ARNT2: variants seen among roughly 807,000 people sequenced by gnomAD.
The protein encoded by ARNT2 is aryl hydrocarbon receptor nuclear translocator 2.
In ARNT2, 36 loss-of-function variants were observed where a neutral mutation model predicts 91.7. The ratio of observed to expected loss-of-function variants is 0.39; its 90% CI spans 0.30 to 0.52. The LOEUF (loss-of-function observed/expected upper bound fraction) is 0.52. Among genes scored for constraint, ARNT2 ranks in the 20% least tolerant of loss-of-function variants. ARNT2 has a pLI of 0.72. For synonymous variants in ARNT2, 365 were observed against 347.1 expected (o/e 1.05, Z -0.57); for missense variants, 775 against 939.3 (o/e 0.83, Z 2.29).
At chr15:80,561,177 T>C (rs891277484) in intron 11 of ARNT2, among the ~76,000 whole-genome samples, 16 of 151,966 alleles carry the variant, frequency 1.1e-4, no homozygotes, top group African/African-American at 3.9e-4. Context: ...AGACCACAAG[T>C]GTGGCGGGTG....
chr15:80,497,099 C>T (rs1441303601), intron 5 of ARNT2, among the ~76,000 whole-genome samples: 1 of 152,202 alleles, frequency 6.6e-6, no homozygotes, highest in African/African-American at 2.4e-5. Context: ...GGGCAATATA[C>T]TAAAAGGATC....
chr15:80,588,115 G>T (rs1893209269), intron 17 of ARNT2, among the ~76,000 whole-genome samples: 1 of 152,134 alleles, frequency 6.6e-6, no homozygotes, highest in South Asian at 2.1e-4. Flanking sequence ...GCAGGTAGGA[G>T]TTGAGAGATG....
Position 80,515,257 on chromosome 15 carries a change from C to T in ARNT2, c.877+852C>T, listed in dbSNP as rs62006418. Among the ~76,000 whole-genome samples, 1,018 of 152,220 alleles carry T rather than the reference C, an allele frequency of 6.7e-3. 4 individuals are homozygous for T. The highest frequency in any genetic ancestry group is 0.012 in the Non-Finnish European group (800 of 68,010). ...ACCATATAATTCAGCAATTTTCACTCCTAAATATACAACCAAGAGAATTGA... is the reference window on the plus strand; with the variant it reads ...ACCATATAATTCAGCAATTTTCACTTCTAAATATACAACCAAGAGAATTGA... On this transcript the variant is annotated intron_variant, in intron 8 of 18. Coordinates refer to ENST00000303329, the MANE Select transcript of ARNT2 (RefSeq NM_014862.4).
At chr15:80,519,860 A>ATTTTTTTTTTT (rs539637778) in intron 8 of ARNT2, among the ~76,000 whole-genome samples, 1 of 119,288 alleles carries the variant, frequency 8.4e-6, no homozygotes, top group Non-Finnish European at 1.8e-5. Flanking sequence ...AATTTTTTGT[A>ATTTTTTTTTTT]TTTTTTTTTT....
chr15:80,438,531 G>A (rs1006547257), intron 1 of ARNT2, among the ~76,000 whole-genome samples: 1 of 152,164 alleles, frequency 6.6e-6, no homozygotes, highest in Non-Finnish European at 1.5e-5. Context: ...GTTTATTGTT[G>A]TGAAGGCCAG....
At chr15:80,572,115 A>C (rs544545811) in intron 12 of ARNT2, among the ~76,000 whole-genome samples, 7 of 151,924 alleles carry the variant, frequency 4.6e-5, no homozygotes, top group Admixed American at 1.3e-4. Context: ...CTCATGCGGA[A>C]AGGGAATTAA....
At chr15:80,533,249 G>A (rs1388158086) in intron 8 of ARNT2, among the ~76,000 whole-genome samples, 1 of 152,214 alleles carries the variant, frequency 6.6e-6, no homozygotes, top group Non-Finnish European at 1.5e-5. Flanking sequence ...GTTAATTTGG[G>A]AAAGGGGAGC....
At chr15:80,548,158 T>A (rs1898019812) in intron 8 of ARNT2, among the ~76,000 whole-genome samples, 1 of 152,214 alleles carries the variant, frequency 6.6e-6, no homozygotes, top group African/African-American at 2.4e-5. Flanking sequence ...ATGCCTCAAC[T>A]AAAACAACAT....
At chr15:80,481,593 G>C (rs74930065) in intron 5 of ARNT2, among the ~76,000 whole-genome samples, 10,025 of 152,130 alleles carry the variant, frequency 0.066, 786 homozygotes, top group African/African-American at 0.18. Context: ...TGCACCTGTA[G>C]CTGCAGCTAC....
At chr15:80,513,705 C>T (rs1897379150) in intron 6 of ARNT2, among the ~76,000 whole-genome samples, 1 of 122,148 alleles carries the variant, frequency 8.2e-6, no homozygotes, top group Admixed American at 9.3e-5. Context: ...GGGTCACACT[C>T]TCCTTTCTTC....
chr15:80,469,640 A>G (rs1157254569), intron 3 of ARNT2, among the ~76,000 whole-genome samples: 1 of 151,908 alleles, frequency 6.6e-6, no homozygotes, highest in African/African-American at 2.4e-5. Context: ...ATATCCATGT[A>G]CAGATTCATG....
chr15:80,593,665 C>T lies in ARNT2; in HGVS notation c.2121C>T (p.Ala707=), dbSNP rs76517462. The T allele has an allele frequency of 1.8e-5, 29 of 1,606,704 alleles. No homozygotes were observed. Among genetic ancestry groups the T allele is most frequent in the Middle Eastern group, 1.7e-4 (1 of 6,050 alleles). ...GCAACTATAACATCGAAGACTTTGC[C>T]GACCTGGGCATGTTTCCACCGTTTT... ...GTGNYNIEDF[A]DLGMFPPFSE Residue 707 remains alanine, a synonymous_variant, in exon 19 of 19, where the codon GCC becomes GCT. Transcript: ENST00000303329.
At chr15:80,500,048 T>G (rs967375088) in intron 5 of ARNT2, among the ~76,000 whole-genome samples, 2 of 152,306 alleles carry the variant, frequency 1.3e-5, no homozygotes, top group Admixed American at 6.5e-5. Flanking sequence ...GAATGAAGTC[T>G]AAGGAAAATG....
chr15:80,502,400 T>G (rs1897212544), intron 5 of ARNT2, among the ~76,000 whole-genome samples: 1 of 151,812 alleles, frequency 6.6e-6, no homozygotes, highest in Non-Finnish European at 1.5e-5. Flanking sequence ...CCATGTAGGG[T>G]GATAGCAGGT....
At chr15:80,493,492 C>T (rs758010899) in intron 5 of ARNT2, among the ~76,000 whole-genome samples, 3 of 152,168 alleles carry the variant, frequency 2.0e-5, no homozygotes, top group Non-Finnish European at 4.4e-5. Flanking sequence ...ACATGAAATG[C>T]TGCCTCTCAG....
At chr15:80,469,984 T>C (rs1193427863) in intron 3 of ARNT2, among the ~76,000 whole-genome samples, 3 of 152,154 alleles carry the variant, frequency 2.0e-5, no homozygotes, top group African/African-American at 7.2e-5. Flanking sequence ...GATTTTGATA[T>C]GTATTTAGAG....
intron 8 of ARNT2, among the ~76,000 whole-genome samples, chr15:80,528,320 A>G (rs921691670): frequency 6.6e-6 from 1 of 152,186 alleles, no homozygotes; most frequent in Non-Finnish European, 1.5e-5. Flanking sequence ...GCTGAAAGTC[A>G]TCTGAGGCTT....
chr15:80,420,920 A>G (rs543890438), intron 1 of ARNT2, among the ~76,000 whole-genome samples: 1 of 152,318 alleles, frequency 6.6e-6, no homozygotes, highest in Admixed American at 6.5e-5. Context: ...ACCCAAAGGC[A>G]AAAGAAGTCA....
At chr15:80,576,832 C>G (rs1657450709) in intron 14 of ARNT2, 34 bp from the exon 15 acceptor site, 1 of 1,611,480 alleles carries the variant, frequency 6.2e-7, no homozygotes, top group Admixed American at 1.7e-5. Context: ...GAGCAGGGAA[C>G]CTTCGCATGT....
Sources: gnomAD v4.1 joint callset for allele counts (sites outside exome capture counted in the v4.1 genomes callset) on GRCh38, gnomAD v4.1.1 for gene constraint, MANE v1.5 for transcripts, NCBI Gene and HGNC (gene_info 2026-07-23, HGNC 2026-07-21) for gene names.